NAALADL2: variants seen among roughly 807,000 people sequenced by gnomAD.
NAALADL2 encodes the protein inactive N-acetylated-alpha-linked acidic dipeptidase-like protein 2.
In NAALADL2, 76 loss-of-function variants were observed where a neutral mutation model predicts 87.2. The observed-to-expected ratio is 0.87, with a 90% CI of 0.72 to 1.05. The LOEUF is 1.05. Ranked by LOEUF, NAALADL2 falls within the 50% of genes least tolerant of loss-of-function variation. The pLI, the probability that NAALADL2 is intolerant of heterozygous loss-of-function variation, is 0.00. For missense variants in NAALADL2, 1,089 were observed against 945.8 expected, an observed-to-expected ratio of 1.15 and a Z score of -1.99; for synonymous variants, 354 against 331.0, an observed-to-expected ratio of 1.07 and a Z score of -0.75.
At chr3:174,643,812 C>T (rs1421708657) in intron 2 of NAALADL2, among the ~76,000 whole-genome samples, 1 of 152,136 alleles carries the variant, frequency 6.6e-6, no homozygotes, top group African/African-American at 2.4e-5. Flanking sequence ...AGTGAAGTCA[C>T]AGAAGACCTA....
intron 9 of NAALADL2, among the ~76,000 whole-genome samples, chr3:175,496,410 A>G (rs1227482850): frequency 1.3e-5 from 2 of 151,812 alleles, no homozygotes; most frequent in Non-Finnish European, 2.9e-5. Context: ...CTACCCATAT[A>G]TTTTATATAT....
chr3:174,986,993 CA>C (rs1745965406), intron 1 of NAALADL2, among the ~76,000 whole-genome samples: 1 of 152,120 alleles, frequency 6.6e-6, no homozygotes, highest in African/African-American at 2.4e-5. Flanking sequence ...TCAGACCAAA[CA>C]CTTGATAATC....
At chr3:174,760,655 C>G (rs1310535804) in intron 3 of NAALADL2, among the ~76,000 whole-genome samples, 1 of 152,194 alleles carries the variant, frequency 6.6e-6, no homozygotes, top group Non-Finnish European at 1.5e-5. Flanking sequence ...CTGCTAGGCT[C>G]TTGCTGTCCT....
chr3:175,276,266 T>C (rs1431135490), intron 4 of NAALADL2, among the ~76,000 whole-genome samples: 3 of 151,948 alleles, frequency 2.0e-5, no homozygotes, highest in Non-Finnish European at 2.9e-5. Flanking sequence ...AAAATAATTC[T>C]TGCCCTAAAA....
chr3:175,527,269 G>A lies in NAALADL2; in HGVS notation c.1654-48772G>A, dbSNP rs180853909. On this transcript the variant is annotated intron_variant, in intron 9 of 13. Coordinates refer to ENST00000454872, the MANE Select transcript of NAALADL2 (RefSeq NM_207015.3). ...TTTCAGTGTGGCATATTTACCTGCC[G>A]TCATAGCTGATGAGGCCCTTCAACA... Among the ~76,000 whole-genome samples the A allele has an allele frequency of 1.3e-4, 20 of 152,242 alleles. No homozygotes were observed. The East Asian group carries it at 2.7e-3, about 21-fold the overall frequency.
At chr3:175,592,257 A>G (rs78601348) in intron 10 of NAALADL2, among the ~76,000 whole-genome samples, 6,515 of 149,318 alleles carry the variant, frequency 0.044, 475 homozygotes, top group African/African-American at 0.15. Flanking sequence ...TGAAATCATC[A>G]TTGACTATTT....
intron 1 of NAALADL2, among the ~76,000 whole-genome samples, chr3:174,979,307 T>TC (rs1179689310): frequency 1.2e-4 from 17 of 140,346 alleles, no homozygotes; most frequent in African/African-American, 4.3e-4. Context: ...TTCTTTTCTT[T>TC]TTTTTTTTTT....
intron 10 of NAALADL2, among the ~76,000 whole-genome samples, chr3:175,616,518 A>C (rs1311923177): frequency 6.6e-6 from 1 of 152,092 alleles, no homozygotes; most frequent in African/African-American, 2.4e-5. Flanking sequence ...AAGAGATTGC[A>C]TGCCATAGTA....
intron 1 of NAALADL2, among the ~76,000 whole-genome samples, chr3:174,933,574 T>C (rs899806260): frequency 4.6e-5 from 7 of 152,202 alleles, no homozygotes; most frequent in African/African-American, 1.4e-4. Flanking sequence ...TTTCTTCAGG[T>C]AAAATCATCA....
At chr3:174,814,592 C>G (rs1720585363) in intron 3 of NAALADL2, among the ~76,000 whole-genome samples, 1 of 151,916 alleles carries the variant, frequency 6.6e-6, no homozygotes. Context: ...TAATTTTGTG[C>G]TCTTTAGGGC....
intron 11 of NAALADL2, among the ~76,000 whole-genome samples, chr3:175,692,285 A>C (rs1737153482): frequency 6.6e-6 from 1 of 152,118 alleles, no homozygotes; most frequent in Non-Finnish European, 1.5e-5. Context: ...TCATAATTGC[A>C]TCTTGAGAAT....
intron 2 of NAALADL2, among the ~76,000 whole-genome samples, chr3:175,233,667 T>C (rs1273186593): frequency 6.6e-6 from 1 of 152,110 alleles, no homozygotes; most frequent in Non-Finnish European, 1.5e-5. Context: ...GCTAGTCCTG[T>C]GCTTAAGCGA....
In NAALADL2 at chr3:174,491,906, A is replaced by G. The variant is rs192777884; in HGVS notation, c.-184+50874A>G. Among the ~76,000 whole-genome samples, 650 of 152,270 alleles carry G rather than the reference A, an allele frequency of 4.3e-3. 9 individuals are homozygous for G. The highest frequency in any genetic ancestry group is 5.3e-3 in the Non-Finnish European group (359 of 68,014). ...TATTTTTTCTCTATCAATAAAGATGATTTTATTGTCTTGATTCTCTTGCTC... is the reference window on the plus strand; with the variant it reads ...TATTTTTTCTCTATCAATAAAGATGGTTTTATTGTCTTGATTCTCTTGCTC... On this transcript the variant is annotated intron_variant, in intron 1 of 3. Transcript: ENST00000434257.
intron 2 of NAALADL2, among the ~76,000 whole-genome samples, chr3:174,660,568 T>C (rs886521388): frequency 6.6e-6 from 1 of 152,160 alleles, no homozygotes; most frequent in Non-Finnish European, 1.5e-5. Flanking sequence ...AACAATATGC[T>C]GCATCTCTGA....
chr3:174,957,582 T>C (rs1741336035), intron 1 of NAALADL2, among the ~76,000 whole-genome samples: 1 of 152,004 alleles, frequency 6.6e-6, no homozygotes, highest in South Asian at 2.1e-4. Flanking sequence ...TAGAAAAAGT[T>C]TTAAACTGTG....
intron 1 of NAALADL2, among the ~76,000 whole-genome samples, chr3:174,471,342 G>A (rs1453847291): frequency 6.6e-6 from 1 of 151,914 alleles, no homozygotes; most frequent in Non-Finnish European, 1.5e-5. Flanking sequence ...GTAGTTATAA[G>A]CCTCCTATGT....
chr3:174,980,597 G>A (rs1158978187), intron 1 of NAALADL2, among the ~76,000 whole-genome samples: 3 of 152,096 alleles, frequency 2.0e-5, no homozygotes, highest in Non-Finnish European at 2.9e-5. Context: ...GGTATTATAA[G>A]TATAATTTTA....
intron 1 of NAALADL2, among the ~76,000 whole-genome samples, chr3:174,488,504 T>A (rs1285325226): frequency 6.6e-6 from 1 of 152,126 alleles, no homozygotes; most frequent in East Asian, 1.9e-4. Flanking sequence ...ATGCTTTTAA[T>A]GTGCTGTACA....
At chr3:174,866,380 C>A (rs767177701) in intron 1 of NAALADL2, among the ~76,000 whole-genome samples, 3 of 151,514 alleles carry the variant, frequency 2.0e-5, no homozygotes, top group Non-Finnish European at 4.4e-5. Flanking sequence ...AAAAACATTT[C>A]TGCAGAAAAA....
Sources: allele counts gnomAD v4.1 joint callset (sites outside exome capture counted in the v4.1 genomes callset), GRCh38; gene constraint gnomAD v4.1.1; transcripts MANE v1.5; gene names NCBI Gene and HGNC (gene_info 2026-07-23, HGNC 2026-07-21).